Variants in MX1 observed in about 807,000 individuals in gnomAD.
The protein encoded by MX1 is interferon-induced GTP-binding protein Mx1.
MX1 carries 66 observed loss-of-function variants against 66.4 expected under a neutral mutation model. That is an observed-to-expected ratio of 0.99 (90% CI 0.82 to 1.22). MX1 has a LOEUF of 1.22. Among genes scored for constraint, MX1 ranks in the 50% most tolerant of loss-of-function variants. The pLI, the probability that MX1 is intolerant of heterozygous loss-of-function variation, is 0.00. For missense variants in MX1, 787 were observed against 834.3 expected, an observed-to-expected ratio of 0.94 and a Z score of 0.70; for synonymous variants, 311 against 318.1, an observed-to-expected ratio of 0.98 and a Z score of 0.24.
chr21:41,440,668 C>T (rs79494693), intron 8 of MX1, among the ~76,000 whole-genome samples: 1,846 of 152,222 alleles, frequency 0.012, 41 homozygotes, highest in African/African-American at 0.042. Flanking sequence ...TTTCCCTGAG[C>T]CTATAGCTCT....
rs2230454 is a variant in MX1 at position 41,458,602 on chromosome 21, G to T, written c.1833G>T (p.Gln611His). 3.1e-4 allele frequency: 498 copies of T among 1,610,902 alleles called. 3 individuals carry two copies. In the African/African-American group the frequency reaches 5.7e-3, roughly 18 times the overall value. ...TCATGCTCCAGACGTACGGCCAGCA[G>T]CTTCAGAAGGCCATGCTGCAGCTCC... ...QFFMLQTYGQ[Q>H]LQKAMLQLLQ... is the part of the protein sequence containing the mutation. The change falls in exon 17 of 17, where the codon CAG (glutamine) becomes CAT (histidine). Residue 611 changes from glutamine to histidine, a missense_variant. By Grantham distance (24) the Gln-to-His change is conservative. Coordinates refer to ENST00000398598, the MANE Select transcript of MX1 (RefSeq NM_002462.5).
At chr21:41,435,375 G>C (rs1213314300) in intron 5 of MX1, among the ~76,000 whole-genome samples, 1 of 152,036 alleles carries the variant, frequency 6.6e-6, no homozygotes, top group Non-Finnish European at 1.5e-5. Context: ...TCTCTTTTGG[G>C]GATTCCAGTA....
At chr21:41,451,622 C>G (rs2146332806) in intron 15 of MX1, among the ~76,000 whole-genome samples, 1 of 152,096 alleles carries the variant, frequency 6.6e-6, no homozygotes, top group South Asian at 2.1e-4. Flanking sequence ...TGACTTAAAG[C>G]CAGGAGTTTG....
At chr21:41,442,193 G>A (rs1423293219) in intron 10 of MX1, among the ~76,000 whole-genome samples, 2 of 152,064 alleles carry the variant, frequency 1.3e-5, no homozygotes, top group African/African-American at 4.8e-5. Context: ...ACGTAGCATG[G>A]TGCTGGAACC....
At chr21:41,429,142 T>C (rs2090143589) in intron 3 of MX1, 1 of 152,306 alleles carries the variant, frequency 6.6e-6, no homozygotes. Flanking sequence ...AGGCCGGAAC[T>C]GGTGCCTGCA....
At chr21:41,423,384 A>G (rs2090013146), upstream of MX1, 1 of 152,276 alleles carries the variant, frequency 6.6e-6, no homozygotes, top group African/African-American at 2.4e-5. Context: ...AAAGGGAGGG[A>G]ACCCAAAGGG....
chr21:41,452,675 C>T lies in MX1; in HGVS notation c.1564C>T (p.Arg522Cys), dbSNP rs149039781. 4.0e-5 allele frequency: 64 copies of T among 1,614,112 alleles called. No homozygotes were observed. In the African/African-American group the frequency reaches 4.7e-4, roughly 12 times the overall value. ...EQEREGEKLIRLHFQMEQIVY... is the reference protein window; with the variant it reads ...EQEREGEKLICLHFQMEQIVY... ...AGAGAGAGAAGGTGAGAAGCTGATC[C>T]GCCTCCACTTCCAGATGGAACAGAT... Residue 522 changes from arginine (R) to cysteine (C), a missense_variant, in exon 16 of 17, where the codon CGC becomes TGC. Physicochemically the swap from Arg to Cys is radical, Grantham distance 180. Transcript: ENST00000398598.
chr21:41,434,527 C>T (rs996467418), intron 5 of MX1, among the ~76,000 whole-genome samples: 34 of 152,138 alleles, frequency 2.2e-4, no homozygotes, highest in Admixed American at 2.1e-3. Flanking sequence ...TTCCCCCTTT[C>T]GTCTTTTTCT....
rs73230034 is a variant in MX1 at position 41,451,514 on chromosome 21, C to A, written c.1509+271C>A. Reference sequence around the variant, plus strand: ...AGGGCAATGGCTCCAAATCCAGAAACTCACTGAGGAAACTACATATAAAAA... The same window carrying A: ...AGGGCAATGGCTCCAAATCCAGAAAATCACTGAGGAAACTACATATAAAAA... On this transcript the variant is annotated intron_variant, in intron 15 of 16. Coordinates refer to ENST00000398598, the MANE Select transcript of MX1 (RefSeq NM_002462.5). Among the ~76,000 whole-genome samples, 1,046 of 152,094 alleles carry A rather than the reference C, an allele frequency of 6.9e-3. 5 individuals are homozygous for A. The highest frequency in any genetic ancestry group is 0.012 in the Non-Finnish European group (792 of 68,024).
intron 1 of MX1, chr21:41,426,547 G>A (rs1313765139): frequency 3.3e-5 from 5 of 151,762 alleles, no homozygotes; most frequent in Non-Finnish European, 7.4e-5. Flanking sequence ...TGCAGGAGAG[G>A]TTGGGAAGGG....
At chr21:41,423,671 A>G (rs2090015932), upstream of MX1, among the ~76,000 whole-genome samples, 1 of 152,136 alleles carries the variant, frequency 6.6e-6, no homozygotes, top group African/African-American at 2.4e-5. Flanking sequence ...CACCTAACAC[A>G]TCCTACATGC....
chr21:41,440,826 T>A (rs980961031), intron 8 of MX1, 61 bp from the exon 9 acceptor site: 1 of 1,598,610 alleles, frequency 6.3e-7, no homozygotes, highest in East Asian at 2.2e-5. Context: ...GGTCAGGACT[T>A]GTCTCACCTC....
intron 11 of MX1, among the ~76,000 whole-genome samples, chr21:41,444,671 A>G (rs931480734): frequency 7.9e-5 from 12 of 152,258 alleles, no homozygotes; most frequent in African/African-American, 2.9e-4. Context: ...GTCCCACTGT[A>G]TGCAGAAAGA....
intron 3 of MX1, 80 bp from the exon 4 acceptor site, chr21:41,430,453 G>A (rs1483216482): frequency 6.6e-6 from 1 of 152,022 alleles, no homozygotes; most frequent in Non-Finnish European, 1.5e-5. Context: ...TCTCAGACTT[G>A]GGAATGGGAC....
chr21:41,449,411 A>G, intron 14 of MX1, 116 bp downstream of exon 14: 2 of 1,013,154 alleles, frequency 2.0e-6, no homozygotes, highest in Non-Finnish European at 2.8e-6. Flanking sequence ...ACCAACGAGC[A>G]AACCTCTCAT....
At chr21:41,435,090 C>G (rs1040572891) in intron 5 of MX1, among the ~76,000 whole-genome samples, 1 of 152,244 alleles carries the variant, frequency 6.6e-6, no homozygotes, top group Non-Finnish European at 1.5e-5. Context: ...TACTGCTTCA[C>G]TGTCTTCTCG....
Position 41,439,850 on chromosome 21 carries a change from T to C in MX1, c.591+2T>C. The C allele has an allele frequency of 6.2e-7, 1 of 1,608,782 alleles. No homozygotes were observed. Among genetic ancestry groups the C allele is most frequent in the Non-Finnish European group, 8.5e-7 (1 of 1,177,606 alleles). On this transcript the variant is annotated splice_donor_variant, in intron 8 of 16. Coordinates refer to ENST00000398598, the MANE Select transcript of MX1 (RefSeq NM_002462.5). LOFTEE classifies it high-confidence loss of function. The stretch of plus-strand genomic sequence containing the variant: ...CAGCCTGCTGACATTGGGTATAAGG[T>C]CAGACTTCAGACCCATTCTGACCTT...
chr21:41,446,824 G>C (rs1035120065), intron 13 of MX1, among the ~76,000 whole-genome samples: 5 of 152,296 alleles, frequency 3.3e-5, no homozygotes, highest in African/African-American at 1.2e-4. Context: ...GGAATTTTTA[G>C]GGGACACCAA....
At chr21:41,446,880 G>A (rs761712005) in intron 13 of MX1, among the ~76,000 whole-genome samples, 10 of 152,190 alleles carry the variant, frequency 6.6e-5, no homozygotes, top group African/African-American at 1.2e-4. Flanking sequence ...AACCTGATAC[G>A]TTGGCTTAAG....
Sources: gnomAD v4.1 joint callset for allele counts (sites outside exome capture counted in the v4.1 genomes callset) on GRCh38, gnomAD v4.1.1 for gene constraint, MANE v1.5 for transcripts, NCBI Gene and HGNC (gene_info 2026-07-23, HGNC 2026-07-21) for gene names.